The following NRG3 variants were observed in gnomAD, a reference collection of about 807,000 sequenced individuals.
The protein encoded by NRG3 is pro-neuregulin-3, membrane-bound isoform.
A neutral mutation model predicts 66.9 loss-of-function variants in NRG3; 31 were observed. The observed-to-expected ratio is 0.46, with a 90% CI of 0.35 to 0.63. The LOEUF is 0.63. NRG3 is among the 20% of genes least tolerant of loss of function. The pLI is 0.00. For synonymous variants in NRG3, 393 were observed against 359.4 expected (o/e 1.09, Z -1.06); for missense variants, 910 against 878.9 (o/e 1.04, Z -0.45).
intron 2 of NRG3, among the ~76,000 whole-genome samples, chr10:82,368,144 G>T (rs2084661338): frequency 9.4e-6 from 1 of 105,996 alleles, no homozygotes; most frequent in Non-Finnish European, 1.7e-5. Context: ...GAGATGCCTG[G>T]TATTGAGTAA....
chr10:82,582,208 T>C (rs1458288335), intron 2 of NRG3, among the ~76,000 whole-genome samples: 1 of 152,128 alleles, frequency 6.6e-6, no homozygotes, highest in African/African-American at 2.4e-5. Flanking sequence ...CTTTTGAGTA[T>C]ATGAGAGTAT....
At chr10:82,371,761 G>A (rs1340660851) in intron 2 of NRG3, among the ~76,000 whole-genome samples, 1 of 152,224 alleles carries the variant, frequency 6.6e-6, no homozygotes, top group Non-Finnish European at 1.5e-5. Context: ...CCTGGAGGAA[G>A]GTGAAGGGGA....
intron 2 of NRG3, among the ~76,000 whole-genome samples, chr10:82,514,573 G>A (rs539565522): frequency 6.6e-6 from 1 of 151,662 alleles, no homozygotes. Flanking sequence ...TACTATGCTG[G>A]TTTTTTTTGT....
chr10:82,096,584 C>A (rs10786868), intron 1 of NRG3, among the ~76,000 whole-genome samples: 36,885 of 151,658 alleles, frequency 0.24, 4,723 homozygotes, highest in Middle Eastern at 0.34. Flanking sequence ...AAGAGATGAA[C>A]AAAGAGAGTG....
At chr10:82,959,680 T>C (rs984238874) in intron 6 of NRG3, among the ~76,000 whole-genome samples, 10 of 152,144 alleles carry the variant, frequency 6.6e-5, no homozygotes, top group African/African-American at 2.4e-4. Context: ...TAAAAATGCA[T>C]GTTATGTTCA....
Position 82,437,911 on chromosome 10 carries a change from A to ATGGG in NRG3, c.953+79045_953+79048dup, listed in dbSNP as rs1253649986. 2.0e-5 allele frequency among the ~76,000 whole-genome samples: 3 copies of ATGGG among 152,138 alleles called. No individual in the cohort carries two copies. The East Asian group carries it at 5.8e-4, about 29-fold the overall frequency. The stretch of plus-strand genomic sequence containing the variant: ...TGAAGGAGCCTGGTGAACAGCAAAG[A>ATGGG]TGGGTACCTTTTCCTTCCTCTGGGA... On this transcript the variant is annotated intron_variant, in intron 2 of 8. Transcript: ENST00000372141.
intron 1 of NRG3, among the ~76,000 whole-genome samples, chr10:81,995,231 A>G (rs988291872): frequency 1.3e-5 from 2 of 152,356 alleles, no homozygotes; most frequent in South Asian, 2.1e-4. Flanking sequence ...ATATGATTAT[A>G]TGATGAATGC....
At chr10:82,491,317 A>ATATATATATATAT (rs1564985027) in intron 2 of NRG3, among the ~76,000 whole-genome samples, 4 of 32,978 alleles carry the variant, frequency 1.2e-4, no homozygotes, top group Admixed American at 2.9e-4. Flanking sequence ...TATATATATA[A>ATATATATATATAT]AATAAAGATG....
intron 2 of NRG3, among the ~76,000 whole-genome samples, chr10:82,364,026 C>T (rs1331109756): frequency 1.3e-5 from 2 of 151,960 alleles, no homozygotes; most frequent in Non-Finnish European, 2.9e-5. Flanking sequence ...TGATAGTTTA[C>T]AACTATTTCC....
At chr10:82,883,920 G>A (rs1842501502) in intron 4 of NRG3, among the ~76,000 whole-genome samples, 1 of 151,174 alleles carries the variant, frequency 6.6e-6, no homozygotes, top group Non-Finnish European at 1.5e-5. Context: ...CCAGGAGATA[G>A]CTTTGTAAAT....
chr10:81,909,935 A>T (rs1554853264), intron 1 of NRG3, among the ~76,000 whole-genome samples: 1 of 152,162 alleles, frequency 6.6e-6, no homozygotes, highest in Non-Finnish European at 1.5e-5. Flanking sequence ...TCCTCATGTC[A>T]TTCAGTGGGC....
At chr10:82,905,123 T>C (rs1844601581) in intron 4 of NRG3, among the ~76,000 whole-genome samples, 1 of 152,170 alleles carries the variant, frequency 6.6e-6, no homozygotes, top group Non-Finnish European at 1.5e-5. Flanking sequence ...TGGGTGTCTG[T>C]CCAATTTGGA....
At chr10:82,242,204 C>A (rs1217081089) in intron 1 of NRG3, among the ~76,000 whole-genome samples, 2 of 152,258 alleles carry the variant, frequency 1.3e-5, no homozygotes, top group Admixed American at 1.3e-4. Flanking sequence ...GAAATGTAAT[C>A]CAACTTCAAT....
chr10:81,960,186 A>C (rs1850219573), intron 1 of NRG3, among the ~76,000 whole-genome samples: 1 of 151,974 alleles, frequency 6.6e-6, no homozygotes, highest in Non-Finnish European at 1.5e-5. Context: ...ATGTATTTTA[A>C]CTCAAATGAA....
intron 2 of NRG3, among the ~76,000 whole-genome samples, chr10:82,668,229 C>T (rs934486963): frequency 2.6e-5 from 4 of 152,168 alleles, no homozygotes; most frequent in African/African-American, 9.7e-5. Context: ...CTAAAATTAG[C>T]TAGGTTCTCT....
chr10:82,674,768 C>T (rs886568186), intron 2 of NRG3, among the ~76,000 whole-genome samples: 4 of 151,502 alleles, frequency 2.6e-5, no homozygotes, highest in Non-Finnish European at 5.9e-5. Flanking sequence ...CCCCACCTGC[C>T]GTAATGAATT....
chr10:82,890,488 T>C (rs1843059212), intron 4 of NRG3, among the ~76,000 whole-genome samples: 1 of 152,214 alleles, frequency 6.6e-6, no homozygotes. Context: ...TATATATACA[T>C]ACATAATATA....
intron 5 of NRG3, among the ~76,000 whole-genome samples, chr10:82,954,920 A>C (rs1357746687): frequency 6.6e-6 from 1 of 151,808 alleles, no homozygotes; most frequent in Non-Finnish European, 1.5e-5. Flanking sequence ...CATAAAGGAA[A>C]GTAGTTTATA....
intron 1 of NRG3, among the ~76,000 whole-genome samples, chr10:82,081,435 A>T (rs538379060): frequency 4.3e-4 from 65 of 152,254 alleles, no homozygotes; most frequent in African/African-American, 1.3e-3. Context: ...CAGAAATATC[A>T]TAGGGAGTGA....
Sources: gnomAD v4.1 joint callset for allele counts (sites outside exome capture counted in the v4.1 genomes callset) on GRCh38, gnomAD v4.1.1 for gene constraint, MANE v1.5 for transcripts, NCBI Gene and HGNC (gene_info 2026-07-23, HGNC 2026-07-21) for gene names.